Variants in PPP6R3 observed in about 807,000 individuals in gnomAD.
PPP6R3 encodes protein phosphatase 6 regulatory subunit 3.
In PPP6R3, 38 loss-of-function variants were observed where a neutral mutation model predicts 110.7. The observed-to-expected ratio is 0.34, with a 90% CI of 0.26 to 0.45. The LOEUF is 0.45. Ranked by LOEUF, PPP6R3 falls within the 20% of genes least tolerant of loss-of-function variation. The pLI, the probability that PPP6R3 is intolerant of heterozygous loss-of-function variation, is 1.00. For missense variants in PPP6R3, 870 were observed against 1,062.4 expected, an observed-to-expected ratio of 0.82 and a Z score of 2.52; for synonymous variants, 369 against 373.5, an observed-to-expected ratio of 0.99 and a Z score of 0.14.
At chr11:68,575,510 G>A (rs764039000) in intron 13 of PPP6R3, among the ~76,000 whole-genome samples, 2 of 152,176 alleles carry the variant, frequency 1.3e-5, no homozygotes, top group Non-Finnish European at 2.9e-5. Flanking sequence ...TCAAGAAAGT[G>A]TGCAGGAGCT....
chr11:68,510,348 T>G (rs2099102653), intron 1 of PPP6R3, among the ~76,000 whole-genome samples: 2 of 151,862 alleles, frequency 1.3e-5, no homozygotes, highest in African/African-American at 2.4e-5. Flanking sequence ...TTCTTCTTTG[T>G]TTTTTTTGAA....
intron 2 of PPP6R3, among the ~76,000 whole-genome samples, chr11:68,528,312 T>C (rs1167074606): frequency 6.6e-6 from 1 of 151,004 alleles, no homozygotes; most frequent in Non-Finnish European, 1.5e-5. Flanking sequence ...TTTTGACACC[T>C]TCTTTGGAAG....
chr11:68,489,600 T>C lies in PPP6R3; in HGVS notation c.-158+28773T>C, dbSNP rs1225846909. 4.1e-5 allele frequency among the ~76,000 whole-genome samples: 6 copies of C among 147,980 alleles called. No individual in the cohort carries two copies. In the Admixed American group the frequency reaches 4.1e-4, roughly 10 times the overall value. ...TGTGTTTTAATGAACAAATTGAAGG[T>C]TTATGGCAACCCCGTATTTGCCAGG... On this transcript the variant is annotated intron_variant, in intron 1 of 23. Coordinates refer to ENST00000393800, the MANE Select transcript of PPP6R3 (RefSeq NM_001164161.2).
intron 15 of PPP6R3, among the ~76,000 whole-genome samples, chr11:68,584,700 A>G (rs985444513): frequency 2.6e-5 from 4 of 152,214 alleles, no homozygotes; most frequent in African/African-American, 9.7e-5. Context: ...TTTGACCGAC[A>G]GCTCACGTGC....
chr11:68,467,761 A>G (rs2098758702), intron 1 of PPP6R3, among the ~76,000 whole-genome samples: 1 of 151,918 alleles, frequency 6.6e-6, no homozygotes, highest in Non-Finnish European at 1.5e-5. Flanking sequence ...CAACACTTAG[A>G]CGTCATTTAT....
intron 1 of PPP6R3, among the ~76,000 whole-genome samples, chr11:68,502,068 T>C (rs2099051502): frequency 1.3e-5 from 2 of 152,208 alleles, no homozygotes; most frequent in African/African-American, 2.4e-5. Context: ...ACTGTGTACA[T>C]GGTTAAAGAT....
intron 1 of PPP6R3, among the ~76,000 whole-genome samples, chr11:68,469,930 T>C (rs1271240937): frequency 2.6e-5 from 4 of 152,220 alleles, no homozygotes; most frequent in African/African-American, 4.8e-5. Context: ...AAAGTATAAA[T>C]GTATCCTTAT....
At chr11:68,489,075 A>G (rs1055513200) in intron 1 of PPP6R3, among the ~76,000 whole-genome samples, 3 of 151,242 alleles carry the variant, frequency 2.0e-5, no homozygotes, top group Non-Finnish European at 4.4e-5. Context: ...CTGGAATGCA[A>G]TGGTGTGATC....
intron 1 of PPP6R3, among the ~76,000 whole-genome samples, chr11:68,477,739 AAAATATATATATATATAT>A (rs2098843681): frequency 1.2e-5 from 1 of 80,402 alleles, no homozygotes; most frequent in South Asian, 4.2e-4. Context: ...AAAAAAAAAA[AAAATATATATATATATAT>A]ATATATATAT....
At chr11:68,551,587 T>A (rs2099378150) in intron 6 of PPP6R3, among the ~76,000 whole-genome samples, 1 of 152,126 alleles carries the variant, frequency 6.6e-6, no homozygotes, top group Non-Finnish European at 1.5e-5. Context: ...CCTCCCAGGT[T>A]CAAGCAGTTC....
At chr11:68,612,222 G>A (rs902492278) in intron 23 of PPP6R3, among the ~76,000 whole-genome samples, 1 of 152,176 alleles carries the variant, frequency 6.6e-6, no homozygotes, top group Non-Finnish European at 1.5e-5. Flanking sequence ...CTCATACACG[G>A]AGCCACCATC....
chr11:68,553,873 T>G (rs1593036451), intron 6 of PPP6R3, among the ~76,000 whole-genome samples: 2 of 152,336 alleles, frequency 1.3e-5, no homozygotes, highest in South Asian at 4.1e-4. Context: ...ATCTGTATTT[T>G]TTCCCAACTA....
chr11:68,483,943 TTGTCTTTTCCAGAA>T (rs1433636853), intron 1 of PPP6R3, among the ~76,000 whole-genome samples: 8 of 152,252 alleles, frequency 5.3e-5, no homozygotes, highest in Non-Finnish European at 2.9e-5. Flanking sequence ...CTGCATAGCT[TTGTCTTTTCCAGAA>T]TGTCATACAT....
In PPP6R3 at chr11:68,552,464, A is replaced by T. The variant is rs537516754; in HGVS notation, c.618+1278A>T. Among the ~76,000 whole-genome samples the T allele has an allele frequency of 7.9e-4, 121 of 152,380 alleles. 2 individuals carry two copies. The South Asian group carries it at 0.017, about 21-fold the overall frequency. Reference sequence around the variant, plus strand: ...CACTTCCCCATTATCCCTCTTTGGGAGAATGCAAGGTATGCTCCTTTGCAG... The same window carrying T: ...CACTTCCCCATTATCCCTCTTTGGGTGAATGCAAGGTATGCTCCTTTGCAG... On this transcript the variant is annotated intron_variant, in intron 6 of 23. Coordinates refer to ENST00000393800, the MANE Select transcript of PPP6R3 (RefSeq NM_001164161.2).
rs1565836573 is a variant in PPP6R3, at chr11:68,558,669, C to T, written c.835C>T (p.Arg279Ter). ...IQILLTLLET[R>*]RPTFEGHIEI... ...GATATTGCTGACTTTACTTGAGACA[C>T]GACGACCAACGTAAGCTTTTCTTAT... The change falls in exon 8 of 24, where the codon CGA becomes TGA. Residue 279 changes from arginine (R) to a stop codon, truncating the protein, a stop_gained. Coordinates refer to ENST00000393800, the MANE Select transcript of PPP6R3 (RefSeq NM_001164161.2). LOFTEE classifies it high-confidence loss of function. The T allele has an allele frequency of 6.2e-7, 1 of 1,604,162 alleles. No homozygotes were observed. The highest frequency in any genetic ancestry group is 1.7e-5 in the Admixed American group (1 of 59,288).
chr11:68,474,091 G>A (rs1438487486), intron 1 of PPP6R3, among the ~76,000 whole-genome samples: 1 of 144,152 alleles, frequency 6.9e-6, no homozygotes, highest in Non-Finnish European at 1.5e-5. Context: ...CACCTAGGTT[G>A]AAGTGCACTG....
chr11:68,588,636 T>C (rs1352630605), intron 16 of PPP6R3, among the ~76,000 whole-genome samples: 1 of 151,586 alleles, frequency 6.6e-6, no homozygotes, highest in Non-Finnish European at 1.5e-5. Context: ...TTGTTGTATT[T>C]TTAGTAGAGA....
At chr11:68,510,704 G>A (rs192838780) in intron 1 of PPP6R3, among the ~76,000 whole-genome samples, 269 of 152,206 alleles carry the variant, frequency 1.8e-3, no homozygotes, top group Non-Finnish European at 2.0e-3. Context: ...AACTATTCTA[G>A]ATTGGGTAAG....
At chr11:68,548,249 G>T (rs2099356906) in intron 5 of PPP6R3, 45 bp downstream of exon 5, 1 of 1,606,332 alleles carries the variant, frequency 6.2e-7, no homozygotes, top group African/African-American at 1.3e-5. Flanking sequence ...TAGGGTGCTG[G>T]CATGTGAGCC....
Sources: allele counts gnomAD v4.1 joint callset (sites outside exome capture counted in the v4.1 genomes callset), GRCh38; gene constraint gnomAD v4.1.1; transcripts MANE v1.5; gene names NCBI Gene and HGNC (gene_info 2026-07-23, HGNC 2026-07-21).